CDH6: variants seen among roughly 807,000 people sequenced by gnomAD.
CDH6 encodes the protein cadherin-6.
CDH6 carries 31 observed loss-of-function variants against 78.0 expected under a neutral mutation model. The ratio of observed to expected loss-of-function variants is 0.40; its 90% CI spans 0.30 to 0.54. The LOEUF (loss-of-function observed/expected upper bound fraction) is 0.54. Among genes scored for constraint, CDH6 ranks in the 20% least tolerant of loss-of-function variants. The probability of loss-of-function intolerance (pLI) is 0.56; values close to 1 mark genes in which losing one functional copy is unlikely to be tolerated. For missense variants in CDH6, 724 were observed against 975.9 expected (o/e 0.74, Z 3.44); for synonymous variants, 376 against 368.8 (o/e 1.02, Z -0.23).
At chr5:31,300,433 A>G (rs1287631960) in intron 5 of CDH6, among the ~76,000 whole-genome samples, 2 of 152,232 alleles carry the variant, frequency 1.3e-5, no homozygotes, top group South Asian at 2.1e-4. Context: ...GGGTAGAGCT[A>G]TACATGGATC....
intron 1 of CDH6, among the ~76,000 whole-genome samples, chr5:31,245,574 C>T (rs1441748460): frequency 2.0e-5 from 3 of 152,176 alleles, no homozygotes; most frequent in African/African-American, 7.2e-5. Context: ...TAACAGGGGA[C>T]ATTACAGGGT....
intron 11 of CDH6, among the ~76,000 whole-genome samples, chr5:31,321,631 T>C (rs751057745): frequency 3.5e-4 from 53 of 152,186 alleles, no homozygotes; most frequent in Non-Finnish European, 5.6e-4. Flanking sequence ...AATGAAATTT[T>C]AATATATAGA....
chr5:31,245,247 CCTGG>C (rs1490371723), intron 1 of CDH6, among the ~76,000 whole-genome samples: 1 of 152,138 alleles, frequency 6.6e-6, no homozygotes, highest in East Asian at 1.9e-4. Flanking sequence ...AGTCATGGAC[CCTGG>C]AACAAGGAGA....
chr5:31,206,414 T>TTA (rs1384465801), intron 1 of CDH6, among the ~76,000 whole-genome samples: 1 of 152,176 alleles, frequency 6.6e-6, no homozygotes, highest in Non-Finnish European at 1.5e-5. Flanking sequence ...GATCAATTAA[T>TTA]TATAGCCCAA....
At chr5:31,270,651 C>T (rs577615365) in intron 2 of CDH6, among the ~76,000 whole-genome samples, 1 of 152,238 alleles carries the variant, frequency 6.6e-6, no homozygotes, top group South Asian at 2.1e-4. Flanking sequence ...GCAGAGGTCA[C>T]GTGCTGCTTA....
At chr5:31,256,887 C>T (rs952124323) in intron 1 of CDH6, among the ~76,000 whole-genome samples, 8 of 152,138 alleles carry the variant, frequency 5.3e-5, no homozygotes, top group Non-Finnish European at 1.2e-4. Flanking sequence ...TAATTGTATA[C>T]ATGAGAAACA....
At chr5:31,315,976 T>C (rs1004732511) in intron 8 of CDH6, among the ~76,000 whole-genome samples, 1 of 152,192 alleles carries the variant, frequency 6.6e-6, no homozygotes, top group African/African-American at 2.4e-5. Context: ...TTGAACTATA[T>C]CAACACAAGT....
intron 1 of CDH6, among the ~76,000 whole-genome samples, chr5:31,267,122 T>A (rs755537782): frequency 1.4e-4 from 21 of 152,112 alleles, no homozygotes; most frequent in Non-Finnish European, 2.5e-4. Flanking sequence ...AAAATAGGAT[T>A]TTTAAGCGGT....
chr5:31,279,992 A>G (rs892641701), intron 2 of CDH6, among the ~76,000 whole-genome samples: 6 of 152,194 alleles, frequency 3.9e-5, no homozygotes, highest in Admixed American at 6.5e-5. Flanking sequence ...GAGAAAATTC[A>G]GTGACTTGGG....
intron 2 of CDH6, among the ~76,000 whole-genome samples, chr5:31,273,775 C>T (rs1239910686): frequency 6.6e-6 from 1 of 152,192 alleles, no homozygotes; most frequent in Admixed American, 6.5e-5. Flanking sequence ...AAGAGCTGCA[C>T]GAATGTCTGC....
intron 2 of CDH6, among the ~76,000 whole-genome samples, chr5:31,281,922 G>GA (rs1160299322): frequency 1.3e-5 from 2 of 151,858 alleles, no homozygotes; most frequent in African/African-American, 2.4e-5. Context: ...TTCCTAATCT[G>GA]AAAAAAATGG....
chr5:31,287,185 T>G (rs966873696), intron 2 of CDH6, among the ~76,000 whole-genome samples: 1 of 152,088 alleles, frequency 6.6e-6, no homozygotes, highest in Non-Finnish European at 1.5e-5. Context: ...GGATCTCATG[T>G]GGGGAGAGCA....
At chr5:31,270,379 A>C (rs973377351) in intron 2 of CDH6, among the ~76,000 whole-genome samples, 1 of 152,258 alleles carries the variant, frequency 6.6e-6, no homozygotes, top group Non-Finnish European at 1.5e-5. Context: ...TAATACACGT[A>C]AATTGACAAA....
intron 1 of CDH6, among the ~76,000 whole-genome samples, chr5:31,228,098 T>A (rs761655428): frequency 1.2e-4 from 18 of 152,126 alleles, no homozygotes; most frequent in Non-Finnish European, 1.9e-4. Context: ...CCTTCCGCCA[T>A]TTTCAAAGCC....
At chr5:31,212,216 G>T (rs1222049604) in intron 1 of CDH6, among the ~76,000 whole-genome samples, 1 of 152,064 alleles carries the variant, frequency 6.6e-6, no homozygotes, top group Non-Finnish European at 1.5e-5. Context: ...TTCCACAAGG[G>T]GCCTAGCATG....
At chr5:31,205,756 T>C (rs1740500157) in intron 1 of CDH6, among the ~76,000 whole-genome samples, 20 of 152,184 alleles carry the variant, frequency 1.3e-4, no homozygotes, top group Admixed American at 1.3e-3. Context: ...CTCATCCAAA[T>C]AATCCTATAT....
intron 1 of CDH6, among the ~76,000 whole-genome samples, chr5:31,239,564 GTAC>G (rs1244338349): frequency 1.3e-5 from 2 of 152,302 alleles, no homozygotes; most frequent in African/African-American, 4.8e-5. Context: ...GCATATGGAA[GTAC>G]CTATTTACAA....
intron 8 of CDH6, 79 bp from the exon 9 acceptor site, chr5:31,316,129 G>A (rs1738317412): frequency 6.9e-7 from 1 of 1,441,176 alleles, no homozygotes; most frequent in East Asian, 2.3e-5. Context: ...TGAGAATGAA[G>A]GAGTTGAGCG....
At chr5:31,252,328 G>GTGTGT (rs1554006112) in intron 1 of CDH6, among the ~76,000 whole-genome samples, 1 of 148,922 alleles carries the variant, frequency 6.7e-6, no homozygotes, top group Non-Finnish European at 1.5e-5. Context: ...ATGTGTGTGT[G>GTGTGT]GTGTGTGTGT....
Sources: gnomAD v4.1 joint callset for allele counts (sites outside exome capture counted in the v4.1 genomes callset) on GRCh38, gnomAD v4.1.1 for gene constraint, MANE v1.5 for transcripts, NCBI Gene and HGNC (gene_info 2026-07-23, HGNC 2026-07-21) for gene names.